The following TCF4 variants were observed in gnomAD, a reference collection of about 807,000 sequenced individuals.
The protein encoded by TCF4 is transcription factor 4, also known as SL3-3 enhancer factor 2.
Under a neutral mutation model 82.1 loss-of-function variants are expected in TCF4, and 3 were observed. The observed-to-expected ratio is 0.04, with a 90% CI of 0.02 to 0.09. TCF4 has a LOEUF of 0.09. Ranked by LOEUF, TCF4 falls within the 10% of genes least tolerant of loss-of-function variation. TCF4 has a pLI of 1.00. For synonymous variants in TCF4, 276 were observed against 309.6 expected (o/e 0.89, Z 1.14); for missense variants, 518 against 852.7 (o/e 0.61, Z 4.89).
intron 6 of TCF4, among the ~76,000 whole-genome samples, chr18:55,374,084 A>G (rs1406577059): frequency 6.6e-6 from 1 of 152,144 alleles, no homozygotes; most frequent in Non-Finnish European, 1.5e-5. Context: ...AATGCAAAAT[A>G]ACATTTAAAA....
At chr18:55,579,785 T>C (rs2097559869) in intron 3 of TCF4, among the ~76,000 whole-genome samples, 2 of 152,018 alleles carry the variant, frequency 1.3e-5, no homozygotes, top group African/African-American at 2.4e-5. Context: ...AAAATGTAGT[T>C]TACCATTAGG....
At chr18:55,315,288 G>T (rs2073836117) in intron 8 of TCF4, among the ~76,000 whole-genome samples, 2 of 152,122 alleles carry the variant, frequency 1.3e-5, no homozygotes. Context: ...AATGTTAGAG[G>T]CGTAGTGTCT....
At chr18:55,619,886 C>T (rs1163499600) in intron 2 of TCF4, among the ~76,000 whole-genome samples, 1 of 152,014 alleles carries the variant, frequency 6.6e-6, no homozygotes, top group African/African-American at 2.4e-5. Context: ...ACTGTTTGAT[C>T]CTGGAGGATT....
intron 15 of TCF4, among the ~76,000 whole-genome samples, chr18:55,251,689 A>G (rs1342533271): frequency 6.6e-6 from 1 of 152,206 alleles, no homozygotes; most frequent in African/African-American, 2.4e-5. Context: ...CGGGACTGGG[A>G]TGAGTATCAA....
upstream of TCF4, among the ~76,000 whole-genome samples, chr18:55,593,368 A>C (rs1485127673): frequency 5.3e-5 from 8 of 152,248 alleles, no homozygotes; most frequent in African/African-American, 1.9e-4. Flanking sequence ...TCTATCAAAT[A>C]TAAGGCATCA....
chr18:55,541,121 T>C (rs1255018123), intron 3 of TCF4, among the ~76,000 whole-genome samples: 2 of 152,018 alleles, frequency 1.3e-5, no homozygotes, highest in Non-Finnish European at 2.9e-5. Flanking sequence ...TTGCCTTCTA[T>C]GCCCATAAAG....
intron 15 of TCF4, among the ~76,000 whole-genome samples, chr18:55,251,553 T>G (rs963354869): frequency 6.6e-6 from 1 of 152,150 alleles, no homozygotes; most frequent in East Asian, 1.9e-4. Context: ...TTTGTTTTGA[T>G]TTTTGGAAGG....
intron 11 of TCF4, chr18:55,265,793 C>T (rs968296810): frequency 3.3e-5 from 5 of 152,126 alleles, no homozygotes; most frequent in African/African-American, 1.2e-4. Flanking sequence ...AAGTTCTAAG[C>T]CAGATTAATT....
chr18:55,621,782 TA>T (rs1220391241), intron 2 of TCF4, among the ~76,000 whole-genome samples: 2 of 88,950 alleles, frequency 2.2e-5, no homozygotes, highest in Non-Finnish European at 3.9e-5. Context: ...TATAATATAA[TA>T]TATATTATAT....
chr18:55,560,269 A>G (rs891943259), intron 3 of TCF4, among the ~76,000 whole-genome samples: 1 of 152,244 alleles, frequency 6.6e-6, no homozygotes, highest in Non-Finnish European at 1.5e-5. Context: ...CACATGTTCA[A>G]TAAAAGAATT....
At chr18:55,454,888 T>C (rs1197797330) in intron 5 of TCF4, among the ~76,000 whole-genome samples, 2 of 152,108 alleles carry the variant, frequency 1.3e-5, no homozygotes, top group African/African-American at 2.4e-5. Flanking sequence ...CAAAACAGAA[T>C]AGAAAACTCA....
chr18:55,540,006 T>C (rs2097151698), intron 3 of TCF4, among the ~76,000 whole-genome samples: 1 of 151,748 alleles, frequency 6.6e-6, no homozygotes, highest in Non-Finnish European at 1.5e-5. Context: ...CAGACTATGG[T>C]CCTCAGAGAG....
At chr18:55,242,025 C>A (rs976487704) in intron 15 of TCF4, among the ~76,000 whole-genome samples, 8 of 152,276 alleles carry the variant, frequency 5.3e-5, no homozygotes, top group Middle Eastern at 6.8e-3. Context: ...GCTGGGTTAA[C>A]GCCCACATCA....
chr18:55,419,831 C>T (rs1322372692), intron 5 of TCF4, among the ~76,000 whole-genome samples: 3 of 152,176 alleles, frequency 2.0e-5, no homozygotes, highest in African/African-American at 2.4e-5. Context: ...AGCGACTGAA[C>T]GGGAATACTG....
At chr18:55,258,412 G>A (rs1039624196) in intron 13 of TCF4, among the ~76,000 whole-genome samples, 12 of 152,050 alleles carry the variant, frequency 7.9e-5, no homozygotes, top group African/African-American at 2.7e-4. Flanking sequence ...TGCTACTCAG[G>A]TCGAGGGAAT....
chr18:55,365,991 T>TATAG (rs1231764236), intron 6 of TCF4, among the ~76,000 whole-genome samples: 1 of 69,670 alleles, frequency 1.4e-5, no homozygotes, highest in Non-Finnish European at 2.8e-5. Flanking sequence ...TAGATATAGA[T>TATAG]ATAGATATAG....
rs2096992866 is a variant in TCF4 at position 55,527,058 on chromosome 18, A to C, written c.145+58222T>G. On this transcript the variant is annotated intron_variant, in intron 3 of 19. Coordinates refer to ENST00000354452, the MANE Select transcript of TCF4 (RefSeq NM_001083962.2). ...AGCAAGGCAAAATTGTGCACCACTT[A>C]GACAAGTGTTCCTGTAAACAATAAA... is the stretch of plus-strand genomic sequence containing the variant. Among the ~76,000 whole-genome samples the C allele has an allele frequency of 2.0e-5, 3 of 152,168 alleles. No individual in the cohort carries two copies. The South Asian group carries it at 6.2e-4, about 32-fold the overall frequency.
intron 8 of TCF4, among the ~76,000 whole-genome samples, chr18:55,317,131 G>C (rs2074343840): frequency 2.0e-5 from 3 of 151,922 alleles, no homozygotes; most frequent in African/African-American, 7.2e-5. Flanking sequence ...TTGTTTTAAA[G>C]TAATGAAGCA....
Position 55,502,895 on chromosome 18 carries a change from C to T in TCF4, c.146-38758G>A, listed in dbSNP as rs116492509. ...TGAATATTAACTTCATCTTAATCGA[C>T]GACTTAAAGTAGGTATCCTGAGATA... On this transcript the variant is annotated intron_variant, in intron 3 of 19. Coordinates refer to ENST00000354452, the MANE Select transcript of TCF4 (RefSeq NM_001083962.2). Among the ~76,000 whole-genome samples the T allele has an allele frequency of 3.7e-3, 566 of 152,222 alleles. 5 individuals are homozygous for T. Among genetic ancestry groups the T allele is most frequent in the African/African-American group, 0.013 (542 of 41,520 alleles).
Sources: gnomAD v4.1 joint callset for allele counts (sites outside exome capture counted in the v4.1 genomes callset) on GRCh38, gnomAD v4.1.1 for gene constraint, MANE v1.5 for transcripts, NCBI Gene and HGNC (gene_info 2026-07-23, HGNC 2026-07-21) for gene names.